SH3GL2: variants seen among roughly 807,000 people sequenced by gnomAD.
SH3GL2 encodes the protein endophilin-A1.
Under a neutral mutation model 46.0 loss-of-function variants are expected in SH3GL2, and 24 were observed. That is an observed-to-expected ratio of 0.52 (90% CI 0.38 to 0.73). The LOEUF (loss-of-function observed/expected upper bound fraction) is 0.73. SH3GL2 is among the 30% of genes least tolerant of loss of function. The probability of loss-of-function intolerance (pLI) is 0.00; values close to 1 mark genes in which losing one functional copy is unlikely to be tolerated. For synonymous variants in SH3GL2, 196 were observed against 147.1 expected, an observed-to-expected ratio of 1.33 and a Z score of -2.40; for missense variants, 413 against 424.2, an observed-to-expected ratio of 0.97 and a Z score of 0.23.
At chr9:17,653,894 C>G (rs983114148) in intron 1 of SH3GL2, 22 of 965,188 alleles carry the variant, frequency 2.3e-5, no homozygotes, top group Non-Finnish European at 2.6e-5. Flanking sequence ...ATGTGATGAC[C>G]TATCTTCAAA....
chr9:17,677,526 ATC>A (rs1208125773), intron 1 of SH3GL2, among the ~76,000 whole-genome samples: 2 of 151,780 alleles, frequency 1.3e-5, no homozygotes, highest in African/African-American at 4.8e-5. Context: ...CTCACACCAA[ATC>A]TCTTTTTTTA....
chr9:17,674,453 G>A (rs1337108477), intron 1 of SH3GL2, among the ~76,000 whole-genome samples: 1 of 151,944 alleles, frequency 6.6e-6, no homozygotes, highest in Non-Finnish European at 1.5e-5. Flanking sequence ...TTTTAGTAGG[G>A]ACAGGGTTTC....
intron 8 of SH3GL2, among the ~76,000 whole-genome samples, chr9:17,794,918 A>G (rs1262302925): frequency 3.3e-5 from 5 of 152,232 alleles, no homozygotes; most frequent in East Asian, 1.9e-4. Flanking sequence ...GTTACATCCA[A>G]TTTCAGACAG....
intron 2 of SH3GL2, among the ~76,000 whole-genome samples, chr9:17,751,015 C>G (rs1293635805): frequency 6.6e-6 from 1 of 152,170 alleles, no homozygotes; most frequent in Non-Finnish European, 1.5e-5. Flanking sequence ...GAACATGTCT[C>G]TTGTCCCTGA....
intron 1 of SH3GL2, among the ~76,000 whole-genome samples, chr9:17,648,019 C>T (rs1356517524): frequency 2.0e-5 from 3 of 151,968 alleles, no homozygotes. Context: ...TATTCTCTTC[C>T]TTGTGATTTA....
intron 3 of SH3GL2, among the ~76,000 whole-genome samples, chr9:17,766,017 A>G (rs930611209): frequency 6.6e-6 from 1 of 152,206 alleles, no homozygotes; most frequent in African/African-American, 2.4e-5. Context: ...TGTAACCAAC[A>G]TTTGTCACAT....
intron 1 of SH3GL2, among the ~76,000 whole-genome samples, chr9:17,687,643 C>T (rs143282579): frequency 2.6e-5 from 4 of 151,924 alleles, no homozygotes; most frequent in African/African-American, 7.2e-5. Context: ...TATAGTTGAA[C>T]TGAAAATCAT....
chr9:17,717,748 G>A (rs1821797192), intron 1 of SH3GL2, among the ~76,000 whole-genome samples: 1 of 152,118 alleles, frequency 6.6e-6, no homozygotes, highest in African/African-American at 2.4e-5. Flanking sequence ...GAAATTAATG[G>A]AAGTATGTGA....
chr9:17,731,324 A>G (rs7874110), intron 1 of SH3GL2, among the ~76,000 whole-genome samples: 44,881 of 151,254 alleles, frequency 0.3, 8,049 homozygotes, highest in African/African-American at 0.49. Context: ...AGGTGTTTAA[A>G]GTTATATGAG....
chr9:17,741,720 A>G (rs72715490), intron 1 of SH3GL2, among the ~76,000 whole-genome samples: 26,134 of 152,246 alleles, frequency 0.17, 2,712 homozygotes, highest in African/African-American at 0.27. Flanking sequence ...AGTCTCAGAC[A>G]TTTTCAAATA....
chr9:17,639,643 C>T (rs1819626523), intron 1 of SH3GL2, among the ~76,000 whole-genome samples: 2 of 152,158 alleles, frequency 1.3e-5, no homozygotes, highest in African/African-American at 2.4e-5. Flanking sequence ...TTCAGCAGTT[C>T]AACTCCTTGG....
intron 1 of SH3GL2, among the ~76,000 whole-genome samples, chr9:17,587,238 A>G (rs1283029060): frequency 6.6e-6 from 1 of 152,114 alleles, no homozygotes; most frequent in Non-Finnish European, 1.5e-5. Flanking sequence ...ACAGGAAATA[A>G]TGTCCACAGT....
intron 1 of SH3GL2, among the ~76,000 whole-genome samples, chr9:17,682,485 G>T (rs9987947): frequency 0.08 from 12,163 of 152,012 alleles, 689 homozygotes; most frequent in Admixed American, 0.14. Flanking sequence ...TACGTGTTCT[G>T]GTAAGTGCGA....
intron 1 of SH3GL2, among the ~76,000 whole-genome samples, chr9:17,698,882 C>G (rs1247249547): frequency 2.0e-5 from 3 of 152,024 alleles, no homozygotes; most frequent in African/African-American, 7.2e-5. Flanking sequence ...ACAGGCCAGG[C>G]GCGATGGCTC....
Position 17,795,684 on chromosome 9 carries a change from G to T in SH3GL2, c.1000G>T (p.Gly334Cys). Residue 334 changes from glycine (G) to cysteine (C), a missense_variant, in exon 9 of 9, where the codon GGC becomes TGC. This residue lies in a region of SH3GL2 where 248 missense variants were observed against 215.0 expected (regional missense o/e 1.15). Transcript: ENST00000380607. ...GAACTGGTATGAGGGGATGCTGCAT[G>T]GCCATTCAGGCTTCTTCCCCATCAA... is the stretch of plus-strand genomic sequence containing the variant. Reference protein sequence around the residue: ...DENWYEGMLHGHSGFFPINYV... With the variant: ...DENWYEGMLHCHSGFFPINYV... 6.2e-7 allele frequency: 1 copy of T among 1,614,002 alleles called. No homozygotes were observed. Among genetic ancestry groups the T allele is most frequent in the Non-Finnish European group, 8.5e-7 (1 of 1,179,928 alleles).
Position 17,579,110 on chromosome 9 carries a change from C to T in SH3GL2, c.-133C>T. ...AGAGCCCGTGTCCCGCTAGGCTCCG[C>T]GCCCTCGCGCCCATAGCCCCGGCGG... On this transcript the variant is annotated 5_prime_UTR_variant, in exon 1 of 9. Coordinates refer to ENST00000380607, the MANE Select transcript of SH3GL2 (RefSeq NM_003026.5). 6 of 530,720 alleles carry T rather than the reference C, an allele frequency of 1.1e-5. No homozygotes were observed. Among genetic ancestry groups the T allele is most frequent in the Non-Finnish European group, 1.9e-5 (6 of 316,862 alleles). 32.9% of individuals were successfully genotyped at this position (530,720 alleles called of 1,614,324 possible). A position where few individuals can be genotyped will look rare whatever the true frequency, so the allele number is the denominator to read the frequency against.
chr9:17,601,463 G>T (rs886249408), intron 1 of SH3GL2, among the ~76,000 whole-genome samples: 2 of 152,110 alleles, frequency 1.3e-5, no homozygotes, highest in Non-Finnish European at 2.9e-5. Context: ...GTGTTTGTGC[G>T]TGCCTCTGCA....
chr9:17,614,641 T>C (rs959391512), intron 1 of SH3GL2, among the ~76,000 whole-genome samples: 4 of 152,184 alleles, frequency 2.6e-5, no homozygotes, highest in African/African-American at 4.8e-5. Flanking sequence ...TATGACAACC[T>C]TGTGAGCTGT....
intron 1 of SH3GL2, among the ~76,000 whole-genome samples, chr9:17,588,324 G>A (rs1818418203): frequency 2.0e-5 from 3 of 152,184 alleles, no homozygotes; most frequent in Admixed American, 6.5e-5. Context: ...CCTCCCCTTT[G>A]AGTGTGGGTG....
Sources: allele counts gnomAD v4.1 joint callset (sites outside exome capture counted in the v4.1 genomes callset), GRCh38; gene constraint gnomAD v4.1.1; regional missense constraint gnomAD v4.1.1; transcripts MANE v1.5; gene names NCBI Gene and HGNC (gene_info 2026-07-23, HGNC 2026-07-21).